Variants in LRFN2 observed in about 807,000 individuals in gnomAD.
LRFN2 encodes the protein leucine-rich repeat and fibronectin type-III domain-containing protein 2.
LRFN2 carries 18 observed loss-of-function variants against 37.3 expected under a neutral mutation model. The ratio of observed to expected loss-of-function variants is 0.48; its 90% CI spans 0.33 to 0.72. The LOEUF (loss-of-function observed/expected upper bound fraction) is 0.72, where lower values mean the gene tolerates loss of function less well. Ranked by LOEUF, LRFN2 falls within the 30% of genes least tolerant of loss-of-function variation. The pLI is 0.02. For missense variants in LRFN2, 1,006 were observed against 1,060.7 expected, an observed-to-expected ratio of 0.95 and a Z score of 0.72; for synonymous variants, 556 against 466.6, an observed-to-expected ratio of 1.19 and a Z score of -2.47.
Position 40,496,567 on chromosome 6 carries a change from C to A in LRFN2, c.-18-63436G>T, listed in dbSNP as rs780428436. The stretch of plus-strand genomic sequence containing the variant: ...GTCCTCCTGCTTGGACCCCTCTTAC[C>A]CTGCCCTGGTCTTCACATGCCCAGC... On this transcript the variant is annotated intron_variant, in intron 1 of 2. Transcript: ENST00000338305. Among the ~76,000 whole-genome samples the A allele has an allele frequency of 5.9e-5, 9 of 152,108 alleles. No individual in the cohort carries two copies. The South Asian group carries it at 8.3e-4, about 14-fold the overall frequency.
In LRFN2 at chr6:40,392,344, T is replaced by C; in HGVS notation, c.1969A>G (p.Met657Val). 1 of 1,609,782 alleles carries C rather than the reference T, an allele frequency of 6.2e-7. No homozygotes were observed. The highest frequency in any genetic ancestry group is 8.5e-7 in the Non-Finnish European group (1 of 1,178,444). Residue 657 changes from methionine (M) to valine (V), a missense_variant, in exon 3 of 3, where the codon ATG becomes GTG. Physicochemically the swap from Met to Val is conservative, Grantham distance 21. Coordinates refer to ENST00000338305, the MANE Select transcript of LRFN2 (RefSeq NM_020737.3). This position sits in a 1 kb window ranked among gnomAD's most constrained non-coding sequence, Gnocchi z 4.7. ...AGGTCCAGGGAGGCGAAGGCCCCCATCAGGCGGTCAAGGCTGGGCTTGGGG... is the reference window on the plus strand; with the variant it reads ...AGGTCCAGGGAGGCGAAGGCCCCCACCAGGCGGTCAAGGCTGGGCTTGGGG... ...PRPKPSLDRL[M>V]GAFASLDLKS...
At chr6:40,400,937 G>A (rs1214499163) in intron 2 of LRFN2, among the ~76,000 whole-genome samples, 2 of 151,540 alleles carry the variant, frequency 1.3e-5, no homozygotes, top group Admixed American at 6.6e-5. Context: ...GGCAATAAGG[G>A]GTCCTGGTCC....
chr6:40,469,309 A>G (rs1581729804), intron 1 of LRFN2, among the ~76,000 whole-genome samples: 1 of 152,228 alleles, frequency 6.6e-6, no homozygotes, highest in Non-Finnish European at 1.5e-5. Context: ...CCTCAGGACT[A>G]TAAGAGGACA....
chr6:40,394,970 T>G (rs952759347), intron 2 of LRFN2, among the ~76,000 whole-genome samples: 1 of 135,148 alleles, frequency 7.4e-6, no homozygotes, highest in Non-Finnish European at 1.7e-5. Context: ...TTTTTTTTTT[T>G]TGTAAATTAT....
intron 1 of LRFN2, among the ~76,000 whole-genome samples, chr6:40,488,207 C>T (rs1020103745): frequency 6.6e-6 from 1 of 152,162 alleles, no homozygotes; most frequent in African/African-American, 2.4e-5. Context: ...GAGCACCTGT[C>T]AGGAGGAATT....
chr6:40,412,294 A>G (rs1004289507), intron 2 of LRFN2, among the ~76,000 whole-genome samples: 11 of 152,190 alleles, frequency 7.2e-5, no homozygotes, highest in Non-Finnish European at 1.6e-4. Context: ...TTCCTCAGTC[A>G]AGGAACTCAT....
At chr6:40,411,905 C>T (rs1010375825) in intron 2 of LRFN2, among the ~76,000 whole-genome samples, 1 of 152,118 alleles carries the variant, frequency 6.6e-6, no homozygotes, top group Non-Finnish European at 1.5e-5. Context: ...TCATAAGGAC[C>T]AGGATTGCCA....
At chr6:40,552,456 T>G (rs1766794110) in intron 1 of LRFN2, among the ~76,000 whole-genome samples, 1 of 152,214 alleles carries the variant, frequency 6.6e-6, no homozygotes, top group Non-Finnish European at 1.5e-5. Context: ...AAATATTGTT[T>G]TACATCTGTT....
chr6:40,501,775 A>T (rs74878453), intron 1 of LRFN2: 1 of 152,194 alleles, frequency 6.6e-6, no homozygotes, highest in African/African-American at 2.4e-5. Flanking sequence ...CCTACAAAAG[A>T]TGAAGCCAGA....
intron 1 of LRFN2, among the ~76,000 whole-genome samples, chr6:40,450,540 T>A (rs1208179165): frequency 6.6e-6 from 1 of 152,186 alleles, no homozygotes; most frequent in Admixed American, 6.5e-5. Flanking sequence ...GCATGGGGGA[T>A]GCAACCGTGC....
chr6:40,549,441 G>T, intron 1 of LRFN2, among the ~76,000 whole-genome samples: 1 of 152,166 alleles, frequency 6.6e-6, no homozygotes, highest in Non-Finnish European at 1.5e-5. Flanking sequence ...TAGGATATTG[G>T]AATAAATTGA....
chr6:40,416,721 A>AC (rs1275968184), intron 2 of LRFN2, among the ~76,000 whole-genome samples: 1 of 151,456 alleles, frequency 6.6e-6, no homozygotes, highest in Non-Finnish European at 1.5e-5. Context: ...ACCCCTCCTG[A>AC]CCCCCTTCCT....
At chr6:40,425,377 G>A (rs917102756) in intron 2 of LRFN2, among the ~76,000 whole-genome samples, 5 of 152,160 alleles carry the variant, frequency 3.3e-5, no homozygotes, top group African/African-American at 7.2e-5. Flanking sequence ...CCAACATCAC[G>A]CCTGGTGACA....
chr6:40,456,329 A>G lies in LRFN2; in HGVS notation c.-18-23198T>C, dbSNP rs188393038. Among the ~76,000 whole-genome samples the G allele has an allele frequency of 1.9e-4, 29 of 152,372 alleles. No homozygotes were observed. The East Asian group carries it at 5.2e-3, about 27-fold the overall frequency. On this transcript the variant is annotated intron_variant, in intron 1 of 2. Transcript: ENST00000338305. The stretch of plus-strand genomic sequence containing the variant: ...GAATTCATTTCAGACTGAAAGAAGG[A>G]GGCAGATAACTGCTTAGAAAGCCAG...
intron 2 of LRFN2, among the ~76,000 whole-genome samples, chr6:40,410,381 G>A (rs1470007051): frequency 2.6e-5 from 4 of 152,178 alleles, no homozygotes; most frequent in South Asian, 2.1e-4. Context: ...GGTTGTGGAA[G>A]TAGGGGCAGC....
chr6:40,582,995 A>G (rs2113801508), intron 1 of LRFN2, among the ~76,000 whole-genome samples: 1 of 152,186 alleles, frequency 6.6e-6, no homozygotes, highest in Middle Eastern at 3.4e-3. Flanking sequence ...TGTCTCCCTC[A>G]CTATCTTCTG....
At chr6:40,474,455 T>G (rs760669156) in intron 1 of LRFN2, among the ~76,000 whole-genome samples, 25 of 152,260 alleles carry the variant, frequency 1.6e-4, no homozygotes, top group Middle Eastern at 3.4e-3. Context: ...AGCATTGGAT[T>G]TAGGGCCTAC....
chr6:40,428,926 G>T (rs1006085437), intron 2 of LRFN2, among the ~76,000 whole-genome samples: 10 of 152,176 alleles, frequency 6.6e-5, no homozygotes, highest in African/African-American at 2.4e-4. Context: ...TGGTGGATGT[G>T]ATGCTAGTCT....
chr6:40,573,520 C>T (rs1006836035), intron 1 of LRFN2, among the ~76,000 whole-genome samples: 6 of 152,212 alleles, frequency 3.9e-5, no homozygotes, highest in African/African-American at 1.4e-4. Flanking sequence ...ATGTGGGCAG[C>T]TAAGAGAGGC....
Sources: allele counts gnomAD v4.1 joint callset (sites outside exome capture counted in the v4.1 genomes callset), GRCh38; gene constraint gnomAD v4.1.1; non-coding constraint Gnocchi (gnomAD v3.1); transcripts MANE v1.5; gene names NCBI Gene and HGNC (gene_info 2026-07-23, HGNC 2026-07-21).